Variants in PXDNL observed in about 807,000 individuals in gnomAD.
PXDNL encodes the protein probable oxidoreductase PXDNL.
In PXDNL, 145 loss-of-function variants were observed where a neutral mutation model predicts 150.8. That is an observed-to-expected ratio of 0.96 (90% confidence interval 0.84 to 1.10). The LOEUF is 1.10. Ranked by LOEUF, PXDNL falls within the 50% of genes least tolerant of loss-of-function variation. The pLI is 0.00. For missense variants in PXDNL, 2,087 were observed against 1,873.9 expected (o/e 1.11, Z -2.10); for synonymous variants, 757 against 725.7 (o/e 1.04, Z -0.69).
intron 4 of PXDNL, among the ~76,000 whole-genome samples, chr8:51,509,058 G>T (rs2130333389): frequency 6.6e-6 from 1 of 152,192 alleles, no homozygotes; most frequent in Admixed American, 6.5e-5. Context: ...GCAACCAACT[G>T]GTCCCCCACC....
chr8:51,603,051 A>T (rs922348920), intron 2 of PXDNL, among the ~76,000 whole-genome samples: 1 of 151,738 alleles, frequency 6.6e-6, no homozygotes, highest in Non-Finnish European at 1.5e-5. Flanking sequence ...ATTACTATTG[A>T]TTGATATATT....
chr8:51,641,458 G>A (rs187847784), intron 2 of PXDNL, among the ~76,000 whole-genome samples: 50 of 151,944 alleles, frequency 3.3e-4, no homozygotes, highest in African/African-American at 1.2e-3. Context: ...CTACTTATCT[G>A]ACAAAGGGCT....
At chr8:51,804,102 A>T (rs1366147138) in intron 1 of PXDNL, among the ~76,000 whole-genome samples, 1 of 152,212 alleles carries the variant, frequency 6.6e-6, no homozygotes, top group Non-Finnish European at 1.5e-5. Flanking sequence ...CATTTTAGGG[A>T]GACATGAGAC....
chr8:51,515,391 A>G (rs780458309), intron 4 of PXDNL, among the ~76,000 whole-genome samples: 2 of 152,162 alleles, frequency 1.3e-5, no homozygotes, highest in Non-Finnish European at 2.9e-5. Flanking sequence ...CTGTGAACAC[A>G]TACCTGATAG....
At chr8:51,790,127 T>C (rs2037496862) in intron 1 of PXDNL, among the ~76,000 whole-genome samples, 1 of 152,062 alleles carries the variant, frequency 6.6e-6, no homozygotes, top group Middle Eastern at 3.4e-3. Context: ...AGTATGACTG[T>C]ATGGGAAAAG....
At chr8:51,585,010 C>T (rs1041618713) in intron 3 of PXDNL, among the ~76,000 whole-genome samples, 1 of 152,052 alleles carries the variant, frequency 6.6e-6, no homozygotes, top group African/African-American at 2.4e-5. Flanking sequence ...AACCTAGAAA[C>T]TTTAGGACTT....
intron 2 of PXDNL, among the ~76,000 whole-genome samples, chr8:51,632,927 CATGTGTAGGTTTGTT>C (rs1814522411): frequency 6.6e-6 from 1 of 151,966 alleles, no homozygotes; most frequent in African/African-American, 2.4e-5. Context: ...TCAGGGGGTA[CATGTGTAGGTTTGTT>C]ACATGGGTAT....
chr8:51,383,753 A>C (rs1399255543), intron 17 of PXDNL, among the ~76,000 whole-genome samples: 5 of 152,238 alleles, frequency 3.3e-5, no homozygotes, highest in Non-Finnish European at 7.3e-5. Context: ...GTTGAAAGAA[A>C]AGATTTGCAG....
chr8:51,515,214 A>G (rs1350399549), intron 4 of PXDNL, among the ~76,000 whole-genome samples: 4 of 152,136 alleles, frequency 2.6e-5, no homozygotes, highest in Non-Finnish European at 4.4e-5. Context: ...CTGGTCATGG[A>G]CTTGCAGGCT....
chr8:51,770,029 A>G (rs1235258677), intron 1 of PXDNL, among the ~76,000 whole-genome samples: 1 of 152,180 alleles, frequency 6.6e-6, no homozygotes, highest in Non-Finnish European at 1.5e-5. Context: ...ATGAAGAGCT[A>G]TGACGCTTGA....
At chr8:51,618,243 C>G (rs1814171454) in intron 2 of PXDNL, among the ~76,000 whole-genome samples, 1 of 152,218 alleles carries the variant, frequency 6.6e-6, no homozygotes, top group South Asian at 2.1e-4. Flanking sequence ...ACAAACAAAG[C>G]AAAGTCTGAA....
At chr8:51,361,960 A>AAAAAAAAAAAAAAAAG (rs1563374211) in intron 19 of PXDNL, among the ~76,000 whole-genome samples, 3 of 148,898 alleles carry the variant, frequency 2.0e-5, no homozygotes, top group African/African-American at 7.5e-5. Context: ...AAAAAAAAAA[A>AAAAAAAAAAAAAAAAG]AAAAAGAAAA....
intron 21 of PXDNL, among the ~76,000 whole-genome samples, chr8:51,326,340 A>C (rs943875775): frequency 2.0e-5 from 3 of 152,160 alleles, no homozygotes; most frequent in Non-Finnish European, 4.4e-5. Flanking sequence ...TCTGCTAAAA[A>C]TACAAAAATT....
chr8:51,783,264 C>G (rs748330007), intron 1 of PXDNL, among the ~76,000 whole-genome samples: 1 of 152,198 alleles, frequency 6.6e-6, no homozygotes, highest in Non-Finnish European at 1.5e-5. Flanking sequence ...AAGTGAAGTG[C>G]TTTATTATGT....
intron 2 of PXDNL, among the ~76,000 whole-genome samples, chr8:51,644,553 AG>A (rs1814873970): frequency 6.6e-6 from 1 of 150,552 alleles, no homozygotes; most frequent in Non-Finnish European, 1.5e-5. Flanking sequence ...TCCACCTCCC[AG>A]GTTCACGCCA....
intron 5 of PXDNL, among the ~76,000 whole-genome samples, chr8:51,486,779 TATATATATATATA>T (rs1434565272): frequency 0.03 from 442 of 14,834 alleles, 6 homozygotes; most frequent in Middle Eastern, 0.059. Flanking sequence ...TATATATATA[TATATATATATATA>T]TATTTTTTTT....
At chr8:51,802,490 T>A (rs1332315152) in intron 1 of PXDNL, among the ~76,000 whole-genome samples, 1 of 152,146 alleles carries the variant, frequency 6.6e-6, no homozygotes, top group Admixed American at 6.6e-5. Flanking sequence ...TTTTTTCAGG[T>A]TATCAGCTAT....
At chr8:51,481,209 A>C (rs930281765) in intron 6 of PXDNL, among the ~76,000 whole-genome samples, 16 of 152,184 alleles carry the variant, frequency 1.1e-4, no homozygotes, top group Admixed American at 6.5e-5. Context: ...TGGACAATAA[A>C]ATTCAGACTG....
At chr8:51,515,535 A>G (rs1811518221) in intron 4 of PXDNL, among the ~76,000 whole-genome samples, 1 of 152,194 alleles carries the variant, frequency 6.6e-6, no homozygotes, top group South Asian at 2.1e-4. Context: ...GTCCATGGCA[A>G]AAGTCCTTGG....
Sources: allele counts gnomAD v4.1 joint callset (sites outside exome capture counted in the v4.1 genomes callset), GRCh38; gene constraint gnomAD v4.1.1; transcripts MANE v1.5; gene names NCBI Gene and HGNC (gene_info 2026-07-23, HGNC 2026-07-21).